Variants in CNTRL observed in about 807,000 individuals in gnomAD.
The protein encoded by CNTRL is centriolin, also known as 110 kDa centrosomal protein.
A neutral mutation model predicts 303.7 loss-of-function variants in CNTRL; 233 were observed. That is an observed-to-expected ratio of 0.77 (90% confidence interval 0.69 to 0.86). CNTRL has a LOEUF of 0.86. Ranked by LOEUF, CNTRL falls within the 40% of genes least tolerant of loss-of-function variation. The pLI is 0.00. For synonymous variants in CNTRL, 900 were observed against 922.2 expected, an observed-to-expected ratio of 0.98 and a Z score of 0.44; for missense variants, 2,524 against 2,650.6, an observed-to-expected ratio of 0.95 and a Z score of 1.05.
At chr9:121,159,723 CTTCTGGAAGAA>C (rs1280629950) in intron 31 of CNTRL, among the ~76,000 whole-genome samples, 1 of 150,046 alleles carries the variant, frequency 6.7e-6, no homozygotes, top group Non-Finnish European at 1.5e-5. Flanking sequence ...CTTTTTCTTT[CTTCTGGAAGAA>C]GGAGTTTCCT....
chr9:121,166,948 G>T (rs1336541885), intron 36 of CNTRL, among the ~76,000 whole-genome samples: 1 of 151,684 alleles, frequency 6.6e-6, no homozygotes, highest in Non-Finnish European at 1.5e-5. Context: ...TTGAACCCGA[G>T]AGGCGGAGGT....
chr9:121,084,384 T>A (rs904233000), intron 2 of CNTRL, among the ~76,000 whole-genome samples: 1 of 152,192 alleles, frequency 6.6e-6, no homozygotes, highest in Non-Finnish European at 1.5e-5. Context: ...GTTGAGATAC[T>A]AACTAGTACA....
intron 12 of CNTRL, chr9:121,121,973 T>C: frequency 9.3e-6 from 9 of 970,816 alleles, no homozygotes; most frequent in Non-Finnish European, 8.6e-6. Flanking sequence ...TTTCTCTCTC[T>C]GTACAAAGGA....
At chr9:121,167,052 G>A (rs1437860101) in intron 36 of CNTRL, among the ~76,000 whole-genome samples, 1 of 151,770 alleles carries the variant, frequency 6.6e-6, no homozygotes, top group African/African-American at 2.4e-5. Context: ...TTAGACACAG[G>A]CCATCCCAGC....
chr9:121,110,704 T>A lies in CNTRL; in HGVS notation c.1003-1755T>A, dbSNP rs372223783. Among the ~76,000 whole-genome samples, 35 of 152,212 alleles carry A rather than the reference T, an allele frequency of 2.3e-4. 1 individual carries two copies. Among genetic ancestry groups the A allele is most frequent in the East Asian group, 1.4e-3 (7 of 5,182 alleles). ...TGTGGTTGTGTGCGTATGTATTATT[T>A]TTTTTTAATGGATGTTTATATAGGA... On this transcript the variant is annotated intron_variant, in intron 8 of 43. Coordinates refer to ENST00000373855, the MANE Select transcript of CNTRL (RefSeq NM_007018.6).
At chr9:121,092,360 T>G (rs1216046054) in intron 4 of CNTRL, among the ~76,000 whole-genome samples, 1 of 140,582 alleles carries the variant, frequency 7.1e-6, no homozygotes, top group Non-Finnish European at 1.5e-5. Flanking sequence ...AGAGTGCGAC[T>G]GAGGAGAGGG....
chr9:121,096,490 A>G lies in CNTRL; in HGVS notation c.548A>G (p.His183Arg), dbSNP rs571577224. ...KLNLAGNEIEHIPVWLGKKLK... is the reference protein window; with the variant it reads ...KLNLAGNEIERIPVWLGKKLK... The stretch of plus-strand genomic sequence containing the variant: ...AACCTTGCAGGAAATGAAATTGAGC[A>G]TATTCCAGTATGGTTAGGGAAGAAG... Residue 183 changes from histidine (H) to arginine (R), a missense_variant, in exon 6 of 44, where the codon CAT becomes CGT. His to Arg is a conservative substitution (Grantham distance 29). Coordinates refer to ENST00000373855, the MANE Select transcript of CNTRL (RefSeq NM_007018.6). 1 of 1,571,792 alleles carries G rather than the reference A, an allele frequency of 6.4e-7. No homozygotes were observed.
At chr9:121,097,456 A>T (rs957272779) in intron 6 of CNTRL, among the ~76,000 whole-genome samples, 2 of 152,204 alleles carry the variant, frequency 1.3e-5, no homozygotes, top group Admixed American at 1.3e-4. Flanking sequence ...AAAAACTTTA[A>T]AACACTAAAT....
intron 39 of CNTRL, 58 bp downstream of exon 39, chr9:121,169,874 T>C: frequency 7.4e-7 from 1 of 1,357,364 alleles, no homozygotes; most frequent in Non-Finnish European, 1.0e-6. Flanking sequence ...AATTTTAAAC[T>C]GCAACACCAC....
chr9:121,153,511 C>T (rs2052400627), intron 26 of CNTRL, among the ~76,000 whole-genome samples: 1 of 152,198 alleles, frequency 6.6e-6, no homozygotes, highest in Non-Finnish European at 1.5e-5. Flanking sequence ...TCATTAAAAG[C>T]CTATTTCTTC....
At chr9:121,089,268 C>T (rs2048465936) in intron 3 of CNTRL, among the ~76,000 whole-genome samples, 2 of 151,816 alleles carry the variant, frequency 1.3e-5, no homozygotes, top group Non-Finnish European at 2.9e-5. Context: ...ATTTTCTTTC[C>T]AAGAACAAGC....
At chr9:121,144,483 C>T (rs2051715729) in intron 20 of CNTRL, among the ~76,000 whole-genome samples, 1 of 152,152 alleles carries the variant, frequency 6.6e-6, no homozygotes, top group African/African-American at 2.4e-5. Context: ...CCTTACTGAG[C>T]TAATGTCTGT....
intron 34 of CNTRL, 27 bp from the exon 35 acceptor site, chr9:121,164,916 G>A (rs978172718): frequency 3.1e-6 from 5 of 1,592,214 alleles, no homozygotes; most frequent in Non-Finnish European, 4.3e-6. Flanking sequence ...TTGTATATTT[G>A]ACAGTCTGAC....
rs764744947 is a variant in CNTRL at position 121,162,247 on chromosome 9, A to G, written c.5399A>G (p.Glu1800Gly). 3 of 1,613,564 alleles carry G rather than the reference A, an allele frequency of 1.9e-6. No homozygotes were observed. Among genetic ancestry groups the G allele is most frequent in the South Asian group, 2.2e-5 (2 of 91,048 alleles). The change falls in exon 34 of 44, where the codon GAA (glutamate) becomes GGA (glycine). Residue 1800 changes from glutamate to glycine, a missense_variant. Physicochemically the swap from Glu to Gly is moderately conservative, Grantham distance 98 (BLOSUM62 -2). Transcript: ENST00000373855. ...EDLQEKCDIW[E>G]KKLAQTKRVL... is the part of the protein sequence containing the mutation. Reference sequence around the variant, plus strand: ...CTCCAAGAGAAATGTGACATTTGGGAAAAAAAGTTGGCACAAACCAAAAGG... The same window carrying G: ...CTCCAAGAGAAATGTGACATTTGGGGAAAAAAGTTGGCACAAACCAAAAGG...
At chr9:121,157,960 C>G (rs1338720164) in intron 29 of CNTRL, 23 bp from the exon 30 acceptor site, 4 of 1,614,102 alleles carry the variant, frequency 2.5e-6, no homozygotes, top group Non-Finnish European at 3.4e-6. Flanking sequence ...AGGATCTGCT[C>G]TAGTGTTGCT....
chr9:121,139,470 A>C (rs2051383581), intron 16 of CNTRL, among the ~76,000 whole-genome samples: 1 of 152,172 alleles, frequency 6.6e-6, no homozygotes, highest in Non-Finnish European at 1.5e-5. Flanking sequence ...AACTCACCCA[A>C]ATGTTCTCTT....
At chr9:121,169,459 TG>T in intron 38 of CNTRL, 151 bp from the exon 39 acceptor site, 1 of 717,778 alleles carries the variant, frequency 1.4e-6, no homozygotes. Context: ...GCCTTTGGTG[TG>T]GGTCAGGGTA....
intron 22 of CNTRL, 140 bp downstream of exon 22, chr9:121,145,525 A>C: frequency 1.2e-6 from 1 of 838,012 alleles, no homozygotes; most frequent in Admixed American, 3.1e-5. Context: ...TAATAAGTAA[A>C]ATAAAATAAA....
chr9:121,165,978 G>A, intron 35 of CNTRL, 129 bp from the exon 36 acceptor site: 1 of 675,978 alleles, frequency 1.5e-6, no homozygotes, highest in East Asian at 2.9e-5. Flanking sequence ...TAATGAGATA[G>A]TGTGGCATAG....
Sources: allele counts gnomAD v4.1 joint callset (sites outside exome capture counted in the v4.1 genomes callset), GRCh38; gene constraint gnomAD v4.1.1; transcripts MANE v1.5; gene names NCBI Gene and HGNC (gene_info 2026-07-23, HGNC 2026-07-21).